Variants in PSMD1 observed in about 807,000 individuals in gnomAD.
PSMD1 encodes 26S proteasome non-ATPase regulatory subunit 1.
PSMD1 carries 18 observed loss-of-function variants against 119.0 expected under a neutral mutation model. That is an observed-to-expected ratio of 0.15 (90% CI 0.10 to 0.22). PSMD1 has a LOEUF of 0.22. Ranked by LOEUF, PSMD1 falls within the 10% of genes least tolerant of loss-of-function variation. The probability of loss-of-function intolerance (pLI) is 1.00; values close to 1 mark genes in which losing one functional copy is unlikely to be tolerated. For synonymous variants in PSMD1, 374 were observed against 396.6 expected (o/e 0.94, Z 0.68); for missense variants, 702 against 1,158.5 (o/e 0.61, Z 5.72).
intron 19 of PSMD1, among the ~76,000 whole-genome samples, chr2:231,158,415 G>T (rs1288156316): frequency 2.6e-5 from 4 of 152,204 alleles, no homozygotes; most frequent in Non-Finnish European, 4.4e-5. Flanking sequence ...CAGTGATTCA[G>T]TCTCTTCCGG....
At chr2:231,128,049 GT>G (rs1354071405) in intron 16 of PSMD1, among the ~76,000 whole-genome samples, 2 of 152,208 alleles carry the variant, frequency 1.3e-5, no homozygotes, top group African/African-American at 4.8e-5. Context: ...GAAAAGGGCA[GT>G]CTAATATTCT....
At chr2:231,079,230 A>G (rs1378114673) in intron 10 of PSMD1, among the ~76,000 whole-genome samples, 3 of 152,130 alleles carry the variant, frequency 2.0e-5, no homozygotes, top group African/African-American at 7.2e-5. Context: ...TACTTGTTTT[A>G]AGGTAAAATT....
chr2:231,125,878 C>T (rs1559242300), intron 16 of PSMD1, among the ~76,000 whole-genome samples: 1 of 152,104 alleles, frequency 6.6e-6, no homozygotes, highest in Non-Finnish European at 1.5e-5. Flanking sequence ...CATTTGTGCC[C>T]TTTTCTTGTT....
At chr2:231,162,817 ACT>A (rs1311589331) in intron 20 of PSMD1, among the ~76,000 whole-genome samples, 2 of 145,926 alleles carry the variant, frequency 1.4e-5, no homozygotes, top group East Asian at 2.0e-4. Flanking sequence ...ACAGGGTGAA[ACT>A]CTGTCTCAAA....
intron 8 of PSMD1, 40 bp from the exon 9 acceptor site, chr2:231,076,994 T>C (rs1330250245): frequency 1.3e-6 from 2 of 1,567,410 alleles, no homozygotes; most frequent in Non-Finnish European, 8.6e-7. Flanking sequence ...ATAGTAATAC[T>C]GTTTATGAGT....
At chr2:231,137,510 A>G (rs1696003087) in intron 16 of PSMD1, among the ~76,000 whole-genome samples, 1 of 152,168 alleles carries the variant, frequency 6.6e-6, no homozygotes. Flanking sequence ...AAGTCTAGGA[A>G]AGAGCCTAGT....
At position 231,082,993 on chromosome 2, in the gene PSMD1, A is replaced by G; in HGVS notation, c.1524A>G (p.Thr508=). Residue 508 remains threonine (T), a splice_region_variant and synonymous_variant, in exon 13 of 25, where the codon ACA becomes ACG. Transcript: ENST00000308696. ...ACCTTTATCAGGATGATGCAGTAACAGGTAAGCATTTCTTTCTAAAGCTAA... is the reference window on the plus strand; with the variant it reads ...ACCTTTATCAGGATGATGCAGTAACGGGTAAGCATTTCTTTCTAAAGCTAA... ...KTNLYQDDAV[T]GEAAGLALGL... The G allele has an allele frequency of 6.2e-7, 1 of 1,601,176 alleles. No individual in the cohort carries two copies. The highest frequency in any genetic ancestry group is 1.3e-5 in the African/African-American group (1 of 74,768).
intron 15 of PSMD1, among the ~76,000 whole-genome samples, chr2:231,085,574 T>C (rs558210745): frequency 1.3e-3 from 191 of 152,180 alleles, no homozygotes; most frequent in Middle Eastern, 3.4e-3. Flanking sequence ...CAGTGAGCTA[T>C]AATTATGCCA....
intron 16 of PSMD1, chr2:231,113,675 C>T: frequency 6.6e-7 from 1 of 1,513,758 alleles, no homozygotes. Flanking sequence ...TTCTCCTAGC[C>T]AAGTGGAACC....
At chr2:231,154,296 T>C (rs1201220153) in intron 19 of PSMD1, among the ~76,000 whole-genome samples, 1 of 151,320 alleles carries the variant, frequency 6.6e-6, no homozygotes, top group African/African-American at 2.4e-5. Flanking sequence ...TAGCCAGGAG[T>C]GGTGGCATGC....
intron 16 of PSMD1, among the ~76,000 whole-genome samples, chr2:231,136,866 T>C (rs1315055633): frequency 6.6e-6 from 1 of 150,506 alleles, no homozygotes; most frequent in Non-Finnish European, 1.5e-5. Flanking sequence ...TACCTCTTTC[T>C]GTGATATTTT....
At chr2:231,087,282 C>G (rs937992636) in intron 16 of PSMD1, 101 bp downstream of exon 16, 7 of 909,062 alleles carry the variant, frequency 7.7e-6, no homozygotes, top group Admixed American at 4.2e-5. Context: ...TAAACAAAAA[C>G]TAAATACCTG....
intron 16 of PSMD1, chr2:231,109,207 T>A: frequency 6.2e-7 from 1 of 1,614,192 alleles, no homozygotes; most frequent in Non-Finnish European, 8.5e-7. Flanking sequence ...GTGGCTTGTT[T>A]TTGACTAAGT....
At position 231,077,121 on chromosome 2, in the gene PSMD1, C is replaced by T; in HGVS notation, c.1030C>T (p.Arg344Ter). 6.3e-7 allele frequency: 1 copy of T among 1,587,330 alleles called. No homozygotes were observed. Residue 344 changes from arginine (R) to a stop codon, truncating the protein, a stop_gained, in exon 9 of 25, where the codon CGA (arginine) becomes TGA (stop). Transcript: ENST00000308696. LOFTEE classifies it high-confidence loss of function. ...TGAGTTACATCTGCAGTTCTTAATA[C>T]GAAACAATAATACAGACCTCATGAT... ...AIELHLQFLI[R>*]NNNTDLMILK...
chr2:231,165,613 T>G (rs747330314), intron 22 of PSMD1, among the ~76,000 whole-genome samples: 2 of 152,168 alleles, frequency 1.3e-5, no homozygotes, highest in Non-Finnish European at 2.9e-5. Context: ...GATTATCACT[T>G]GTTTAGGTAG....
intron 13 of PSMD1, 21 bp from the exon 14 acceptor site, chr2:231,083,546 A>G (rs780245857): frequency 1.9e-6 from 3 of 1,613,508 alleles, no homozygotes; most frequent in Non-Finnish European, 2.5e-6. Context: ...CTCTGTTAAC[A>G]TTTTACTCGT....
At chr2:231,066,023 T>C (rs757083701) in intron 4 of PSMD1, among the ~76,000 whole-genome samples, 1 of 152,238 alleles carries the variant, frequency 6.6e-6, no homozygotes, top group Non-Finnish European at 1.5e-5. Flanking sequence ...TACACTAATA[T>C]GCTATACAGG....
intron 18 of PSMD1, 72 bp downstream of exon 18, chr2:231,146,428 G>A (rs1696254591): frequency 8.2e-7 from 1 of 1,213,894 alleles, no homozygotes; most frequent in Non-Finnish European, 1.2e-6. Context: ...CGTCTTTTGA[G>A]GACGTTTTTT....
intron 4 of PSMD1, 85 bp downstream of exon 4, chr2:231,062,760 A>G: frequency 1.8e-6 from 2 of 1,136,616 alleles, no homozygotes; most frequent in Middle Eastern, 3.2e-4. Flanking sequence ...CCTGAATTTG[A>G]TGTTGCCAAA....
Sources: gnomAD v4.1 joint callset for allele counts (sites outside exome capture counted in the v4.1 genomes callset) on GRCh38, gnomAD v4.1.1 for gene constraint, MANE v1.5 for transcripts, NCBI Gene and HGNC (gene_info 2026-07-23, HGNC 2026-07-21) for gene names.